Variants in LAMA2 observed in about 807,000 individuals in gnomAD.
LAMA2 encodes the protein laminin subunit alpha-2.
Under a neutral mutation model 364.8 loss-of-function variants are expected in LAMA2, and 269 were observed. The ratio of observed to expected loss-of-function variants is 0.74; its 90% CI spans 0.67 to 0.82. The LOEUF (loss-of-function observed/expected upper bound fraction) is 0.82, where lower values mean the gene tolerates loss of function less well. Ranked by LOEUF, LAMA2 falls within the 40% of genes least tolerant of loss-of-function variation. LAMA2 has a pLI of 0.00. For synonymous variants in LAMA2, 1,379 were observed against 1,370.6 expected, an observed-to-expected ratio of 1.01 and a Z score of -0.14; for missense variants, 3,807 against 3,873.2, an observed-to-expected ratio of 0.98 and a Z score of 0.45.
intron 19 of LAMA2, 62 bp downstream of exon 19, chr6:129,288,120 T>C: frequency 7.4e-7 from 1 of 1,358,646 alleles, no homozygotes; most frequent in South Asian, 1.2e-5. Flanking sequence ...AAGTAGCTGA[T>C]GAGTTCTTGA....
intron 51 of LAMA2, among the ~76,000 whole-genome samples, chr6:129,471,257 G>A (rs184519878): frequency 1.1e-4 from 16 of 151,912 alleles, no homozygotes; most frequent in African/African-American, 3.1e-4. Context: ...GCATTTCCTG[G>A]TAGAACCCAC....
chr6:129,179,635 G>A (rs1780813560), intron 10 of LAMA2, among the ~76,000 whole-genome samples: 1 of 151,946 alleles, frequency 6.6e-6, no homozygotes, highest in East Asian at 1.9e-4. Context: ...GCTCTACACA[G>A]ACAATTAAAA....
chr6:129,199,559 ATATACT>A (rs780420223), intron 12 of LAMA2, among the ~76,000 whole-genome samples: 35 of 152,164 alleles, frequency 2.3e-4, no homozygotes, highest in Non-Finnish European at 4.3e-4. Context: ...CTTATAGATG[ATATACT>A]TATCTGCTTG....
At chr6:128,994,191 G>A (rs1783779659) in intron 1 of LAMA2, among the ~76,000 whole-genome samples, 1 of 152,208 alleles carries the variant, frequency 6.6e-6, no homozygotes, top group Non-Finnish European at 1.5e-5. Flanking sequence ...AGCAGAGAAT[G>A]TCAAGGTCTT....
chr6:129,322,334 A>T (rs1418607778), intron 28 of LAMA2, among the ~76,000 whole-genome samples: 1 of 152,240 alleles, frequency 6.6e-6, no homozygotes, highest in Non-Finnish European at 1.5e-5. Context: ...ACATATGTAC[A>T]CATAGTGTAT....
intron 1 of LAMA2, among the ~76,000 whole-genome samples, chr6:128,936,722 C>G (rs1040588026): frequency 6.6e-6 from 1 of 152,154 alleles, no homozygotes; most frequent in Non-Finnish European, 1.5e-5. Flanking sequence ...TTATACTCAT[C>G]TTTCTCCTTG....
chr6:129,112,647 T>G (rs1776225828), intron 4 of LAMA2, among the ~76,000 whole-genome samples: 1 of 151,830 alleles, frequency 6.6e-6, no homozygotes, highest in African/African-American at 2.4e-5. Flanking sequence ...ATTATGCTTT[T>G]GGGGGATTAG....
chr6:129,377,159 G>A (rs1778418474), intron 34 of LAMA2, among the ~76,000 whole-genome samples: 1 of 152,034 alleles, frequency 6.6e-6, no homozygotes, highest in Admixed American at 6.5e-5. Context: ...AGGGGAGAAT[G>A]CTATGTAGTA....
intron 57 of LAMA2, 63 bp downstream of exon 57, chr6:129,492,140 C>T: frequency 6.8e-7 from 1 of 1,471,576 alleles, no homozygotes; most frequent in Non-Finnish European, 9.5e-7. Flanking sequence ...ATTAGGGGTC[C>T]CAATGCATCT....
In LAMA2 at chr6:129,289,353, GT is replaced by G. The variant is rs1204367245; in HGVS notation, c.2749+1299del. 9.2e-5 allele frequency among the ~76,000 whole-genome samples: 14 copies of G among 152,232 alleles called. No individual in the cohort carries two copies. In the South Asian group the frequency reaches 1.0e-3, roughly 11 times the overall value. ...AGATATTTGACCTCCTTGAGACACAGTTTTCTAGTCTACAAAGAGAGTCATG... is the reference window on the plus strand; with the variant it reads ...AGATATTTGACCTCCTTGAGACACAGTTTCTAGTCTACAAAGAGAGTCATG... On this transcript the variant is annotated intron_variant, in intron 19 of 64. Transcript: ENST00000421865.
chr6:129,404,087 T>A, intron 40 of LAMA2, 128 bp downstream of exon 40: 1 of 1,008,100 alleles, frequency 9.9e-7, no homozygotes, highest in Non-Finnish European at 1.5e-6. Context: ...AGACCTCTTT[T>A]AAAATTTGCC....
At chr6:129,212,462 TG>T (rs1258889542) in intron 12 of LAMA2, among the ~76,000 whole-genome samples, 1 of 152,118 alleles carries the variant, frequency 6.6e-6, no homozygotes, top group African/African-American at 2.4e-5. Context: ...CAGTTTTATA[TG>T]TTGAGAGTCC....
chr6:128,936,805 A>C (rs1779842526), intron 1 of LAMA2, among the ~76,000 whole-genome samples: 1 of 152,160 alleles, frequency 6.6e-6, no homozygotes, highest in African/African-American at 2.4e-5. Context: ...TTGTAACATA[A>C]AGTTAGGTTA....
chr6:129,375,016 C>T (rs577988782), intron 34 of LAMA2, among the ~76,000 whole-genome samples: 1 of 152,152 alleles, frequency 6.6e-6, no homozygotes, highest in South Asian at 2.1e-4. Context: ...ACCCTCTCTT[C>T]TTTAAGGGCT....
rs11964027 is a variant in LAMA2 at position 129,445,205 on chromosome 6, T to C, written c.6275-462T>C. ...ATTTTGATAGCTTCTCTCTTTAAGA[T>C]GTGCAAAAAAAGACGGTGAGAAAAA... On this transcript the variant is annotated intron_variant, in intron 44 of 64. Transcript: ENST00000421865. Among the ~76,000 whole-genome samples the C allele has an allele frequency of 1.5e-3, 233 of 152,212 alleles. 2 individuals are homozygous for C. Among genetic ancestry groups the C allele is most frequent in the African/African-American group, 5.3e-3 (220 of 41,544 alleles).
At chr6:129,035,975 T>G (rs539724067) in intron 1 of LAMA2, among the ~76,000 whole-genome samples, 1 of 152,330 alleles carries the variant, frequency 6.6e-6, no homozygotes, top group South Asian at 2.1e-4. Context: ...GGGCTCCTTT[T>G]TGTTTCCATA....
At chr6:129,121,573 T>G (rs1776808773) in intron 4 of LAMA2, among the ~76,000 whole-genome samples, 1 of 152,190 alleles carries the variant, frequency 6.6e-6, no homozygotes, top group African/African-American at 2.4e-5. Context: ...TGACACTTTA[T>G]ATCAAGCAGG....
intron 20 of LAMA2, among the ~76,000 whole-genome samples, chr6:129,294,262 C>A (rs1367108727): frequency 6.6e-6 from 1 of 152,192 alleles, no homozygotes; most frequent in African/African-American, 2.4e-5. Context: ...TAGTATCTTA[C>A]AGTAATCAGC....
intron 1 of LAMA2, among the ~76,000 whole-genome samples, chr6:128,968,488 G>A (rs28499898): frequency 0.13 from 19,381 of 152,156 alleles, 1,551 homozygotes; most frequent in African/African-American, 0.23. Flanking sequence ...TGCTAAGGAT[G>A]GGAAGAAATG....
Sources: allele counts gnomAD v4.1 joint callset (sites outside exome capture counted in the v4.1 genomes callset), GRCh38; gene constraint gnomAD v4.1.1; transcripts MANE v1.5; gene names NCBI Gene and HGNC (gene_info 2026-07-23, HGNC 2026-07-21).